The following SPPL3 variants were observed in gnomAD, a reference collection of about 807,000 sequenced individuals.
SPPL3 encodes the protein signal peptide peptidase-like 3.
A neutral mutation model predicts 42.4 loss-of-function variants in SPPL3; 5 were observed. The ratio of observed to expected loss-of-function variants is 0.12; its 90% CI spans 0.06 to 0.25. The LOEUF (loss-of-function observed/expected upper bound fraction) is 0.25. Ranked by LOEUF, SPPL3 falls within the 10% of genes least tolerant of loss-of-function variation. The pLI is 1.00. For synonymous variants in SPPL3, 195 were observed against 181.8 expected (o/e 1.07, Z -0.58); for missense variants, 235 against 489.0 (o/e 0.48, Z 4.90).
chr12:120,845,118 G>A (rs556772306), intron 1 of SPPL3: 3 of 415,686 alleles, frequency 7.2e-6, no homozygotes, highest in Admixed American at 2.9e-5. Context: ...TTCACTTCTG[G>A]TTCCGGAGCG....
intron 1 of SPPL3, among the ~76,000 whole-genome samples, chr12:120,836,666 G>A (rs558912322): frequency 3.9e-5 from 6 of 152,296 alleles, no homozygotes; most frequent in South Asian, 4.1e-4. Context: ...GTTAGGGACC[G>A]GAGTGAGAAT....
intron 1 of SPPL3, among the ~76,000 whole-genome samples, chr12:120,836,850 T>C (rs1022391370): frequency 1.3e-5 from 2 of 152,322 alleles, no homozygotes; most frequent in Non-Finnish European, 2.9e-5. Flanking sequence ...TACGTGCATA[T>C]ACGAGTGCAA....
chr12:120,776,978 A>C (rs936134491), intron 6 of SPPL3, among the ~76,000 whole-genome samples: 2 of 152,160 alleles, frequency 1.3e-5, no homozygotes, highest in African/African-American at 4.8e-5. Flanking sequence ...AACCAGTAGC[A>C]CCTGGTGCTT....
chr12:120,878,904 G>T (rs1014990126), intron 1 of SPPL3, among the ~76,000 whole-genome samples: 1 of 151,802 alleles, frequency 6.6e-6, no homozygotes, highest in East Asian at 1.9e-4. Context: ...ACCTGAGGTC[G>T]CGAGTTTAAG....
At chr12:120,820,834 T>C (rs1384534028) in intron 1 of SPPL3, among the ~76,000 whole-genome samples, 1 of 151,706 alleles carries the variant, frequency 6.6e-6, no homozygotes, top group African/African-American at 2.4e-5. Flanking sequence ...GGCTCACGCC[T>C]GTAATCCCAA....
At chr12:120,771,645 G>A (rs959244547) in intron 6 of SPPL3, among the ~76,000 whole-genome samples, 1 of 151,904 alleles carries the variant, frequency 6.6e-6, no homozygotes, top group Non-Finnish European at 1.5e-5. Context: ...TCTAGGCCAG[G>A]GCCTGGCAGG....
intron 1 of SPPL3, among the ~76,000 whole-genome samples, chr12:120,833,522 T>A (rs530936969): frequency 6.6e-6 from 1 of 151,572 alleles, no homozygotes; most frequent in Non-Finnish European, 1.5e-5. Flanking sequence ...GAGAGGATGG[T>A]AGTAGGTTAA....
intron 3 of SPPL3, among the ~76,000 whole-genome samples, chr12:120,787,815 G>A (rs1869774326): frequency 6.6e-6 from 1 of 152,080 alleles, no homozygotes; most frequent in South Asian, 2.1e-4. Flanking sequence ...TGGCTTCTTT[G>A]ACTCAATATG....
intron 1 of SPPL3, among the ~76,000 whole-genome samples, chr12:120,860,578 T>A (rs1460583686): frequency 6.6e-6 from 1 of 152,200 alleles, no homozygotes; most frequent in Non-Finnish European, 1.5e-5. Flanking sequence ...TAATTTTCCA[T>A]CTGTTGACTC....
chr12:120,850,492 T>TAAAAAAAAAAAAAA (rs11413210), intron 1 of SPPL3, among the ~76,000 whole-genome samples: 1 of 119,394 alleles, frequency 8.4e-6, no homozygotes, highest in Non-Finnish European at 1.7e-5. Flanking sequence ...GACCAGCCTT[T>TAAAAAAAAAAAAAA]AAAAAAAAAA....
intron 1 of SPPL3, among the ~76,000 whole-genome samples, chr12:120,888,437 C>T (rs989403128): frequency 3.3e-5 from 5 of 152,090 alleles, no homozygotes; most frequent in Non-Finnish European, 5.9e-5. Context: ...CTAATGAGTG[C>T]ATAAGCTGAA....
chr12:120,802,390 C>T (rs593429), intron 2 of SPPL3, among the ~76,000 whole-genome samples: 40,832 of 133,022 alleles, frequency 0.31, 8,410 homozygotes, highest in African/African-American at 0.61. Context: ...TATATATATA[C>T]ACATATATGT....
intron 2 of SPPL3, among the ~76,000 whole-genome samples, chr12:120,809,248 G>C (rs1331050223): frequency 6.6e-6 from 1 of 152,066 alleles, no homozygotes; most frequent in Non-Finnish European, 1.5e-5. Flanking sequence ...AGGAGGCCGA[G>C]ACAGAAGAAT....
chr12:120,893,798 T>C (rs1873717028), intron 1 of SPPL3, among the ~76,000 whole-genome samples: 1 of 152,214 alleles, frequency 6.6e-6, no homozygotes, highest in African/African-American at 2.4e-5. Context: ...CTGACATTTC[T>C]TAATTGTGAG....
chr12:120,880,801 T>C (rs921549372), intron 1 of SPPL3, among the ~76,000 whole-genome samples: 4 of 151,066 alleles, frequency 2.6e-5, no homozygotes, highest in African/African-American at 9.8e-5. Flanking sequence ...GAAAAAAAAA[T>C]TATTTGCAAA....
intron 3 of SPPL3, among the ~76,000 whole-genome samples, chr12:120,789,251 C>T (rs966835924): frequency 6.7e-5 from 10 of 149,006 alleles, no homozygotes; most frequent in Admixed American, 6.0e-4. Context: ...GTCAGGAGTT[C>T]AAGACCAGCC....
At chr12:120,782,791 G>A in intron 5 of SPPL3, 24 bp from the exon 6 acceptor site, 1 of 1,535,230 alleles carries the variant, frequency 6.5e-7, no homozygotes, top group Non-Finnish European at 8.9e-7. Context: ...AACACTTATT[G>A]GACAGTGGGC....
intron 1 of SPPL3, among the ~76,000 whole-genome samples, chr12:120,866,648 G>C (rs1310742349): frequency 6.6e-6 from 1 of 152,132 alleles, no homozygotes; most frequent in East Asian, 1.9e-4. Context: ...TAAAATAATA[G>C]CATACATTTC....
chr12:120,884,738 T>C (rs1166897058), intron 1 of SPPL3, among the ~76,000 whole-genome samples: 1 of 151,680 alleles, frequency 6.6e-6, no homozygotes, highest in African/African-American at 2.4e-5. Flanking sequence ...TCATAATTCC[T>C]TATCTGACAC....
Sources: gnomAD v4.1 joint callset for allele counts (sites outside exome capture counted in the v4.1 genomes callset) on GRCh38, gnomAD v4.1.1 for gene constraint, MANE v1.5 for transcripts, NCBI Gene and HGNC (gene_info 2026-07-23, HGNC 2026-07-21) for gene names.